SMAD2: variants seen among roughly 807,000 people sequenced by gnomAD.
The protein encoded by SMAD2 is MAD homolog 2.
A neutral mutation model predicts 64.4 loss-of-function variants in SMAD2; 8 were observed. The observed-to-expected ratio is 0.12, with a 90% CI of 0.07 to 0.22. The LOEUF (loss-of-function observed/expected upper bound fraction) is 0.22. SMAD2 is among the 10% of genes least tolerant of loss of function. SMAD2 has a pLI of 1.00. For missense variants in SMAD2, 289 were observed against 561.2 expected (o/e 0.51, Z 4.90); for synonymous variants, 203 against 195.8 (o/e 1.04, Z -0.31).
At chr18:47,913,081 G>A (rs1027115219) in intron 1 of SMAD2, among the ~76,000 whole-genome samples, 3 of 151,950 alleles carry the variant, frequency 2.0e-5, no homozygotes, top group Non-Finnish European at 4.4e-5. Flanking sequence ...CAACACGCTC[G>A]GCTAATTTTT....
chr18:47,830,713 ATAGTT>A lies in SMAD2; in HGVS notation c.*11109_*11113del, dbSNP rs1342062764. ...TAGTTTGATCAAATACTGCCACAAT[ATAGTT>A]TAGAGGCAAGACCTCTCATGAAGAA... On this transcript the variant is annotated 3_prime_UTR_variant, in exon 11 of 11. Transcript: ENST00000262160. The A allele has an allele frequency of 2.6e-5, 4 of 153,134 alleles. No homozygotes were observed. The highest frequency in any genetic ancestry group is 7.2e-5 in the African/African-American group (3 of 41,450). 9.5% of individuals were successfully genotyped at this position (153,134 alleles called of 1,614,324 possible).
At chr18:47,851,246 TG>T in intron 7 of SMAD2, 27 bp downstream of exon 7, 1 of 1,501,132 alleles carries the variant, frequency 6.7e-7, no homozygotes, top group Non-Finnish European at 9.3e-7. Flanking sequence ...AGTATAAAAA[TG>T]ATGAGGGGAA....
chr18:47,900,164 G>A (rs1452037522), intron 1 of SMAD2, among the ~76,000 whole-genome samples: 1 of 152,104 alleles, frequency 6.6e-6, no homozygotes, highest in Non-Finnish European at 1.5e-5. Context: ...TTTTAATGAT[G>A]TATTTAACCC....
intron 2 of SMAD2, chr18:47,895,569 A>G (rs2033401848): frequency 6.6e-6 from 1 of 152,238 alleles, no homozygotes; most frequent in Non-Finnish European, 1.5e-5. Context: ...GCAAACACTC[A>G]ATAAGCATTT....
chr18:47,864,287 A>G (rs2031399000), intron 6 of SMAD2, among the ~76,000 whole-genome samples: 1 of 152,180 alleles, frequency 6.6e-6, no homozygotes, highest in South Asian at 2.1e-4. Context: ...GGATTTAAAC[A>G]AGAGAATTAT....
intron 1 of SMAD2, among the ~76,000 whole-genome samples, chr18:47,903,633 T>C (rs2144495466): frequency 6.6e-6 from 1 of 151,824 alleles, no homozygotes; most frequent in East Asian, 1.9e-4. Context: ...ATGAATAAAA[T>C]CAGATAACTA....
At chr18:47,885,507 A>C (rs944287588) in intron 2 of SMAD2, among the ~76,000 whole-genome samples, 1 of 152,204 alleles carries the variant, frequency 6.6e-6, no homozygotes, top group Admixed American at 6.5e-5. Flanking sequence ...AAAAATAGTA[A>C]CATAAATGAC....
chr18:47,892,875 C>A (rs1040806707), intron 2 of SMAD2, among the ~76,000 whole-genome samples: 1 of 152,134 alleles, frequency 6.6e-6, no homozygotes, highest in Non-Finnish European at 1.5e-5. Context: ...ATAAATTTTG[C>A]ATTCCTATAC....
intron 2 of SMAD2, 38 bp downstream of exon 2, chr18:47,896,483 A>AT: frequency 6.2e-7 from 1 of 1,606,524 alleles, no homozygotes; most frequent in Non-Finnish European, 8.5e-7. Flanking sequence ...AGATTCCTTG[A>AT]CATAATTTGA....
chr18:47,873,212 C>A (rs948824995), intron 2 of SMAD2, among the ~76,000 whole-genome samples: 1 of 152,056 alleles, frequency 6.6e-6, no homozygotes, highest in Admixed American at 6.6e-5. Flanking sequence ...TAGAACCAAT[C>A]CCCCTTAGAT....
chr18:47,873,473 A>C (rs2032069109), intron 2 of SMAD2, among the ~76,000 whole-genome samples: 1 of 152,180 alleles, frequency 6.6e-6, no homozygotes, highest in African/African-American at 2.4e-5. Flanking sequence ...ATAAGCCAAA[A>C]CAAATAAGTA....
rs1004801215 is a variant in SMAD2, at chr18:47,829,246, A to G, written c.*12581T>C. ...GAATACAACAAAGCTCCCTTACCCA[A>G]TCCCAACAAACAACCATCAATGTCC... is the stretch of plus-strand genomic sequence containing the variant. On this transcript the variant is annotated 3_prime_UTR_variant, in exon 11 of 11. Coordinates refer to ENST00000262160, the MANE Select transcript of SMAD2 (RefSeq NM_005901.6). 3 of 152,192 alleles carry G rather than the reference A, an allele frequency of 2.0e-5. No homozygotes were observed. The highest frequency in any genetic ancestry group is 7.2e-5 in the African/African-American group (3 of 41,448). The allele number at this position is 152,192 out of a possible 1,614,324, so 9.4% of individuals were successfully genotyped here.
At position 47,829,873 on chromosome 18, in the gene SMAD2, C is replaced by G. The variant is rs142119043; in HGVS notation, c.*11954G>C. The G allele has an allele frequency of 1.1e-4, 17 of 152,282 alleles. No homozygotes were observed. The highest frequency in any genetic ancestry group is 3.8e-4 in the African/African-American group (16 of 41,566). The allele number at this position is 152,282 out of a possible 1,614,324, so 9.4% of individuals were successfully genotyped here. On this transcript the variant is annotated 3_prime_UTR_variant, in exon 11 of 11. Coordinates refer to ENST00000262160, the MANE Select transcript of SMAD2 (RefSeq NM_005901.6). ...AACAGGAAAATAATGACTAAGCTAA[C>G]AACCAAACTTTCAGAGTATAAAATT...
upstream of SMAD2, chr18:47,930,759 T>C (rs2144568973): frequency 6.9e-6 from 1 of 144,808 alleles, no homozygotes; most frequent in Non-Finnish European, 1.5e-5. Flanking sequence ...GCTTCCGCCC[T>C]CCGCCCTCGG....
rs1445556377 is a variant in SMAD2 at position 47,870,517 on chromosome 18, T to C, written c.284A>G (p.Gln95Arg). 4 of 1,613,744 alleles carry C rather than the reference T, an allele frequency of 2.5e-6. No individual in the cohort carries two copies. Among genetic ancestry groups the C allele is most frequent in the Non-Finnish European group, 3.4e-6 (4 of 1,179,700 alleles). The stretch of plus-strand genomic sequence containing the variant: ...GCTGTAAAGGCCTGTTGTATCCCAC[T>C]GATCTATCGTATTTGGTGTACTCAG... ...WGLSTPNTID[Q>R]WDTTGLYSFS... The change falls in exon 3 of 11, where the codon CAG (glutamine) becomes CGG (arginine). Residue 95 changes from glutamine (Q) to arginine (R), a missense_variant. By Grantham distance (43) the Gln-to-Arg change is conservative (BLOSUM62 1). Transcript: ENST00000262160.
chr18:47,850,851 ATATATAT>A (rs1301601537), intron 7 of SMAD2, among the ~76,000 whole-genome samples: 1 of 46,188 alleles, frequency 2.2e-5, no homozygotes, highest in African/African-American at 7.8e-5. Flanking sequence ...ATTATATATT[ATATATAT>A]TATATATATT....
At chr18:47,875,087 T>C (rs1025213617) in intron 2 of SMAD2, among the ~76,000 whole-genome samples, 4 of 152,150 alleles carry the variant, frequency 2.6e-5, no homozygotes, top group African/African-American at 7.2e-5. Context: ...TGATCATTCT[T>C]TTCTCACACA....
intron 2 of SMAD2, among the ~76,000 whole-genome samples, chr18:47,876,692 T>C (rs750538504): frequency 2.0e-5 from 3 of 152,050 alleles, no homozygotes; most frequent in East Asian, 1.9e-4. Context: ...GTAATAACTT[T>C]TACAATAAGT....
At position 47,859,406 on chromosome 18, in the gene SMAD2, A is replaced by G. The variant is rs536255406; in HGVS notation, c.730+5653T>C. Among the ~76,000 whole-genome samples the G allele has an allele frequency of 9.8e-5, 15 of 152,330 alleles. No homozygotes were observed. The South Asian group carries it at 2.7e-3, about 27-fold the overall frequency. On this transcript the variant is annotated intron_variant, in intron 6 of 10. Transcript: ENST00000262160. ...AACTATATATGGAACTCTTATCAAGATAAGTTACAAGTTATAGCATAAAAT... is the reference window on the plus strand; with the variant it reads ...AACTATATATGGAACTCTTATCAAGGTAAGTTACAAGTTATAGCATAAAAT...
Sources: gnomAD v4.1 joint callset for allele counts (sites outside exome capture counted in the v4.1 genomes callset) on GRCh38, gnomAD v4.1.1 for gene constraint, MANE v1.5 for transcripts, NCBI Gene and HGNC (gene_info 2026-07-23, HGNC 2026-07-21) for gene names.